Variants in TMEM165 observed in about 807,000 individuals in gnomAD.
TMEM165 encodes the protein putative divalent cation/proton antiporter TMEM165.
In TMEM165, 19 loss-of-function variants were observed where a neutral mutation model predicts 30.0. The ratio of observed to expected loss-of-function variants is 0.63; its 90% CI spans 0.44 to 0.93. TMEM165 has a LOEUF of 0.93. Ranked by LOEUF, TMEM165 falls within the 40% of genes least tolerant of loss-of-function variation. The probability of loss-of-function intolerance (pLI) is 0.00; values close to 1 mark genes in which losing one functional copy is unlikely to be tolerated. For missense variants in TMEM165, 340 were observed against 417.0 expected (o/e 0.82, Z 1.61); for synonymous variants, 168 against 162.9 (o/e 1.03, Z -0.24).
At chr4:55,424,764 C>T (rs942824625) in intron 5 of TMEM165, 121 bp downstream of exon 5, 3 of 650,230 alleles carry the variant, frequency 4.6e-6, no homozygotes, top group Non-Finnish European at 5.3e-6. Flanking sequence ...AATTACCTAC[C>T]ATCTCTTATA....
intron 4 of TMEM165, among the ~76,000 whole-genome samples, chr4:55,421,934 T>G (rs1721991833): frequency 6.6e-6 from 1 of 152,196 alleles, no homozygotes; most frequent in South Asian, 2.1e-4. Context: ...AAAGCCCCTT[T>G]TCTCAATTGT....
intron 4 of TMEM165, among the ~76,000 whole-genome samples, chr4:55,419,506 TTA>T (rs1721878225): frequency 6.6e-6 from 1 of 152,200 alleles, no homozygotes; most frequent in Non-Finnish European, 1.5e-5. Context: ...TGCCACTTAT[TTA>T]AAACATGCCC....
At position 55,417,107 on chromosome 4, in the gene TMEM165, G is replaced by A. The variant is rs530302737; in HGVS notation, c.469G>A (p.Val157Ile). 6.2e-7 allele frequency: 1 copy of A among 1,613,160 alleles called. No individual in the cohort carries two copies. Among genetic ancestry groups the A allele is most frequent in the East Asian group, 2.2e-5 (1 of 44,834 alleles). Residue 157 changes from valine (V) to isoleucine (I), a missense_variant, in exon 3 of 6, where the codon GTC becomes ATC. This residue lies in a region of TMEM165 where 220 missense variants were observed against 307.6 expected (regional missense o/e 0.72). Transcript: ENST00000381334. ...CTATGCCACCACAGTCATCCCCAGG[G>A]TCTATACATACTATGTTTCAACTGT... ...FGYATTVIPR[V>I]YTYYVSTVLF...
downstream of TMEM165, among the ~76,000 whole-genome samples, chr4:55,427,053 T>TTTTA (rs10654590): frequency 6.9e-6 from 1 of 143,956 alleles, no homozygotes; most frequent in Non-Finnish European, 1.5e-5. Context: ...TTTTTTTTTT[T>TTTTA]GAGAGAGTCT....
In TMEM165 at chr4:55,396,474, C is replaced by T. The variant is rs574467147; in HGVS notation, c.207+78C>T. The T allele has an allele frequency of 2.1e-5, 26 of 1,218,026 alleles. No individual in the cohort carries two copies. The South Asian group carries it at 5.0e-4, about 24-fold the overall frequency. 75.5% of individuals were successfully genotyped at this position (1,218,026 alleles called of 1,614,324 possible). A position where few individuals can be genotyped will look rare whatever the true frequency, so the allele number is the denominator to read the frequency against. On this transcript the variant is annotated intron_variant, in intron 1 of 5. Coordinates refer to ENST00000381334, the MANE Select transcript of TMEM165 (RefSeq NM_018475.5). Reference sequence around the variant, plus strand: ...ACCAGGCTCCAGGCCTTTGAAAGCGCCGCACTCCGCCGGCCTCGGCTGGGG... The same window carrying T: ...ACCAGGCTCCAGGCCTTTGAAAGCGTCGCACTCCGCCGGCCTCGGCTGGGG...
intron 3 of TMEM165, chr4:55,435,495 G>A (rs1219231224): frequency 1.2e-6 from 2 of 1,614,062 alleles, no homozygotes; most frequent in Non-Finnish European, 1.7e-6. Context: ...TGAGACTGAT[G>A]TTGCTGGTGA....
At chr4:55,453,277 T>C in exon 4 of TMEM165, 1 of 653,226 alleles carries the variant, frequency 1.5e-6, no homozygotes. Context: ...ATACCTATAA[T>C]GTCTTAATTT....
chr4:55,412,088 A>G, intron 2 of TMEM165: 1 of 539,900 alleles, frequency 1.9e-6, no homozygotes, highest in East Asian at 3.4e-5. Context: ...AATTTCTGTT[A>G]TATTGTGTAA....
downstream of TMEM165, chr4:55,429,324 G>T (rs1246754839): frequency 2.0e-5 from 3 of 152,166 alleles, no homozygotes; most frequent in Non-Finnish European, 4.4e-5. Context: ...TCTCTAAGTT[G>T]TGTGCTATAC....
chr4:55,444,784 A>C (rs1249659019), intron 3 of TMEM165: 2 of 1,613,798 alleles, frequency 1.2e-6, no homozygotes, highest in East Asian at 4.5e-5. Flanking sequence ...TGAAAACTGA[A>C]ACTGAAGTAC....
At chr4:55,444,558 T>C in intron 3 of TMEM165, 1 of 1,572,486 alleles carries the variant, frequency 6.4e-7, no homozygotes, top group Non-Finnish European at 8.7e-7. Flanking sequence ...TCACTTTTAA[T>C]TAAGAAAAGT....
downstream of TMEM165, chr4:55,429,937 G>A (rs1722395349): frequency 6.6e-6 from 1 of 152,206 alleles, no homozygotes; most frequent in Non-Finnish European, 1.5e-5. Context: ...ATTATCATGA[G>A]AGTTGGTGAC....
chr4:55,450,207 C>A, intron 3 of TMEM165: 1 of 1,613,842 alleles, frequency 6.2e-7, no homozygotes, highest in Non-Finnish European at 8.5e-7. Flanking sequence ...TGTGTTTATA[C>A]GATTATCTGA....
chr4:55,417,275 C>A (rs759355466), intron 3 of TMEM165, 28 bp downstream of exon 3: 20 of 1,591,202 alleles, frequency 1.3e-5, no homozygotes, highest in Non-Finnish European at 1.5e-5. Flanking sequence ...TGATCTGGAC[C>A]AAAAAGGCAC....
intron 4 of TMEM165, 131 bp from the exon 5 acceptor site, chr4:55,424,407 A>ATAACTATTATG: frequency 1.6e-6 from 1 of 610,054 alleles, no homozygotes; most frequent in Non-Finnish European, 3.0e-6. Context: ...AATTTATTAT[A>ATAACTATTATG]CACCTGCATT....
chr4:55,438,726 C>A (rs1219968641), intron 3 of TMEM165, among the ~76,000 whole-genome samples: 1 of 152,136 alleles, frequency 6.6e-6, no homozygotes, highest in Non-Finnish European at 1.5e-5. Flanking sequence ...ACAAAAAATT[C>A]ATACAGCAAG....
intron 1 of TMEM165, among the ~76,000 whole-genome samples, chr4:55,400,244 T>TTATAATA (rs1720903225): frequency 4.3e-5 from 4 of 93,784 alleles, no homozygotes; most frequent in South Asian, 2.4e-4. Flanking sequence ...ATGTAATTAA[T>TTATAATA]ATTATATTAT....
At chr4:55,444,810 T>G in intron 3 of TMEM165, 1 of 1,610,130 alleles carries the variant, frequency 6.2e-7, no homozygotes, top group Non-Finnish European at 8.5e-7. Flanking sequence ...ACGGAAAAAG[T>G]GTAATATATT....
At chr4:55,435,613 A>G (rs755793052) in intron 3 of TMEM165, 1 of 1,613,090 alleles carries the variant, frequency 6.2e-7, no homozygotes, top group Admixed American at 1.7e-5. Flanking sequence ...CAAATGGATT[A>G]TGCAGCATTG....
Sources: allele counts gnomAD v4.1 joint callset (sites outside exome capture counted in the v4.1 genomes callset), GRCh38; gene constraint gnomAD v4.1.1; regional missense constraint gnomAD v4.1.1; transcripts MANE v1.5; gene names NCBI Gene and HGNC (gene_info 2026-07-23, HGNC 2026-07-21).